PAN3: variants seen among roughly 807,000 people sequenced by gnomAD.
PAN3 encodes the protein PAN2-PAN3 deadenylation complex subunit PAN3.
PAN3 carries 19 observed loss-of-function variants against 96.2 expected under a neutral mutation model. The observed-to-expected ratio is 0.20, with a 90% confidence interval of 0.14 to 0.29. The LOEUF (loss-of-function observed/expected upper bound fraction) is 0.29, where lower values mean the gene tolerates loss of function less well. Among genes scored for constraint, PAN3 ranks in the 10% least tolerant of loss-of-function variants. The probability of loss-of-function intolerance (pLI) is 1.00; values close to 1 mark genes in which losing one functional copy is unlikely to be tolerated. For missense variants in PAN3, 882 were observed against 1,108.1 expected, an observed-to-expected ratio of 0.80 and a Z score of 2.90; for synonymous variants, 433 against 406.6, an observed-to-expected ratio of 1.06 and a Z score of -0.78.
At chr13:28,248,872 G>A (rs1884454875) in intron 6 of PAN3, among the ~76,000 whole-genome samples, 1 of 151,892 alleles carries the variant, frequency 6.6e-6, no homozygotes, top group Admixed American at 6.6e-5. Context: ...TTATTGTTTT[G>A]GTGTAAGTTT....
At chr13:28,215,578 A>G (rs1167312107) in intron 5 of PAN3, 8 of 760,486 alleles carry the variant, frequency 1.1e-5, no homozygotes, top group Admixed American at 6.2e-5. Flanking sequence ...AGTGCTGTCT[A>G]TGCCCTTGTA....
intron 15 of PAN3, among the ~76,000 whole-genome samples, chr13:28,279,568 G>A (rs1044697998): frequency 2.0e-5 from 3 of 151,748 alleles, no homozygotes; most frequent in African/African-American, 7.3e-5. Flanking sequence ...GACCATCCTG[G>A]CCAACATGGT....
At chr13:28,219,124 A>T (rs765174910) in intron 5 of PAN3, among the ~76,000 whole-genome samples, 1 of 152,170 alleles carries the variant, frequency 6.6e-6, no homozygotes, top group African/African-American at 2.4e-5. Context: ...CGGGAATGTT[A>T]TAGTTGGAAA....
At chr13:28,280,884 T>A (rs74527044) in intron 16 of PAN3, among the ~76,000 whole-genome samples, 1 of 152,186 alleles carries the variant, frequency 6.6e-6, no homozygotes, top group African/African-American at 2.4e-5. Context: ...ATTAAAAGAA[T>A]GTACACACAA....
intron 4 of PAN3, 43 bp downstream of exon 4, chr13:28,177,978 A>C (rs4142558): frequency 0.11 from 163,376 of 1,532,010 alleles, 10,290 homozygotes; most frequent in East Asian, 0.32. Flanking sequence ...TGGAATTTAG[A>C]AGTGATGTTG....
intron 6 of PAN3, among the ~76,000 whole-genome samples, chr13:28,235,886 A>ATT (rs553429429): frequency 2.7e-4 from 38 of 140,846 alleles, no homozygotes; most frequent in Admixed American, 2.8e-4. Context: ...TGATTTTTAA[A>ATT]TTTTTTTTTT....
At position 28,174,344 on chromosome 13, in the gene PAN3, G is replaced by C. The variant is rs761511446; in HGVS notation, c.503G>C (p.Gly168Ala). The C allele has an allele frequency of 1.2e-6, 2 of 1,612,846 alleles. No homozygotes were observed. The highest frequency in any genetic ancestry group is 2.7e-5 in the African/African-American group (2 of 74,994). The change falls in exon 2 of 19, where the codon GGA (glycine) becomes GCA (alanine). Residue 168 changes from glycine to alanine, a missense_variant. Gly to Ala is a moderately conservative substitution (Grantham distance 60, BLOSUM62 0). This residue lies in a region of PAN3 where 442 missense variants were observed against 422.8 expected (regional missense o/e 1.05). Coordinates refer to ENST00000380958, the MANE Select transcript of PAN3 (RefSeq NM_175854.8). ...TDSYFSTSFI[G>A]VNGFGSPVET... is the part of the protein sequence containing the mutation. ...TCCTATTTTAGCACCAGCTTTATTG[G>C]AGTCAATGGATTTGGAAGCCCTGTA...
intron 5 of PAN3, among the ~76,000 whole-genome samples, chr13:28,210,886 G>C (rs1879945636): frequency 6.6e-6 from 1 of 151,954 alleles, no homozygotes; most frequent in African/African-American, 2.4e-5. Context: ...GAATTGGGCT[G>C]CTCTTTAGGT....
intron 6 of PAN3, among the ~76,000 whole-genome samples, chr13:28,234,326 G>A (rs1882877101): frequency 6.6e-6 from 1 of 152,094 alleles, no homozygotes; most frequent in Non-Finnish European, 1.5e-5. Context: ...CCCCCAAAGT[G>A]CTGAGATTAC....
chr13:28,256,742 C>T (rs1471911118), intron 7 of PAN3, among the ~76,000 whole-genome samples: 1 of 152,154 alleles, frequency 6.6e-6, no homozygotes, highest in East Asian at 1.9e-4. Context: ...TAGTTTTGGA[C>T]TAAACTGGTT....
chr13:28,226,501 A>G (rs1254780269), intron 6 of PAN3, among the ~76,000 whole-genome samples: 1 of 152,046 alleles, frequency 6.6e-6, no homozygotes, highest in African/African-American at 2.4e-5. Flanking sequence ...CAAATTGCTT[A>G]AGAAGAAGGG....
At chr13:28,196,296 T>C (rs762847459) in intron 4 of PAN3, among the ~76,000 whole-genome samples, 2 of 152,156 alleles carry the variant, frequency 1.3e-5, no homozygotes, top group Non-Finnish European at 2.9e-5. Context: ...AATTAGTGTT[T>C]TCTGAAGGGA....
intron 4 of PAN3, among the ~76,000 whole-genome samples, chr13:28,186,320 G>T (rs1566168319): frequency 6.6e-6 from 1 of 152,156 alleles, no homozygotes; most frequent in Non-Finnish European, 1.5e-5. Flanking sequence ...TTATAGTTAA[G>T]AGTACAATTG....
chr13:28,270,576 C>A, intron 12 of PAN3, 125 bp from the exon 13 acceptor site: 2 of 959,130 alleles, frequency 2.1e-6, no homozygotes, highest in Non-Finnish European at 3.1e-6. Flanking sequence ...CATACACACA[C>A]ATATATAAAT....
At chr13:28,154,875 C>T (rs560614205) in intron 1 of PAN3, among the ~76,000 whole-genome samples, 1 of 148,068 alleles carries the variant, frequency 6.8e-6, no homozygotes, top group Non-Finnish European at 1.5e-5. Flanking sequence ...GGCTGTAGTG[C>T]AGTGGCGCGA....
chr13:28,158,983 T>A (rs1237561230), intron 1 of PAN3, among the ~76,000 whole-genome samples: 1 of 151,550 alleles, frequency 6.6e-6, no homozygotes, highest in Non-Finnish European at 1.5e-5. Flanking sequence ...TATTAAAAAA[T>A]AACAGATGCA....
chr13:28,260,638 T>C, intron 8 of PAN3, 87 bp downstream of exon 8: 1 of 1,087,084 alleles, frequency 9.2e-7, no homozygotes, highest in Non-Finnish European at 1.4e-6. Context: ...TTTCAAATCA[T>C]ATTATTTAAT....
intron 6 of PAN3, among the ~76,000 whole-genome samples, chr13:28,229,918 T>C (rs1278916392): frequency 6.6e-6 from 1 of 152,208 alleles, no homozygotes; most frequent in Non-Finnish European, 1.5e-5. Context: ...CTGCTTGTCC[T>C]GGGACTTCAT....
intron 1 of PAN3, among the ~76,000 whole-genome samples, chr13:28,161,523 C>A (rs543850432): frequency 2.1e-4 from 32 of 152,224 alleles, no homozygotes; most frequent in African/African-American, 7.0e-4. Context: ...TGCAGTGACT[C>A]TATATTCAAA....
Sources: allele counts gnomAD v4.1 joint callset (sites outside exome capture counted in the v4.1 genomes callset), GRCh38; gene constraint gnomAD v4.1.1; regional missense constraint gnomAD v4.1.1; transcripts MANE v1.5; gene names NCBI Gene and HGNC (gene_info 2026-07-23, HGNC 2026-07-21).